PDLIM5: variants seen among roughly 807,000 people sequenced by gnomAD.
PDLIM5 encodes PDZ and LIM domain 5.
PDLIM5 carries 34 observed loss-of-function variants against 64.2 expected under a neutral mutation model. That is an observed-to-expected ratio of 0.53 (90% CI 0.40 to 0.71). PDLIM5 has a LOEUF of 0.71. Ranked by LOEUF, PDLIM5 falls within the 30% of genes least tolerant of loss-of-function variation. The pLI is 0.00. For synonymous variants in PDLIM5, 253 were observed against 269.1 expected, an observed-to-expected ratio of 0.94 and a Z score of 0.59; for missense variants, 683 against 733.6, an observed-to-expected ratio of 0.93 and a Z score of 0.80.
At chr4:94,453,596 A>G (rs1420730840) in intron 1 of PDLIM5, among the ~76,000 whole-genome samples, 1 of 152,188 alleles carries the variant, frequency 6.6e-6, no homozygotes, top group Non-Finnish European at 1.5e-5. Flanking sequence ...ACACAAGTTA[A>G]AGATTAATAA....
At chr4:94,604,460 C>G (rs1041473681) in intron 7 of PDLIM5, among the ~76,000 whole-genome samples, 1 of 152,072 alleles carries the variant, frequency 6.6e-6, no homozygotes, top group African/African-American at 2.4e-5. Context: ...ATGGAGAAAC[C>G]CCGTCTCTAC....
At chr4:94,458,409 AAAG>A (rs774199858) in intron 2 of PDLIM5, among the ~76,000 whole-genome samples, 94 of 152,272 alleles carry the variant, frequency 6.2e-4, no homozygotes, top group Middle Eastern at 3.4e-3. Context: ...TAAACTTTAA[AAAG>A]AAAACTATTT....
chr4:94,588,320 T>A (rs564279902), intron 7 of PDLIM5: 1 of 271,264 alleles, frequency 3.7e-6, no homozygotes, highest in East Asian at 1.8e-4. Flanking sequence ...TCCCAGCATT[T>A]TGGGAGGCCG....
intron 2 of PDLIM5, among the ~76,000 whole-genome samples, chr4:94,499,994 G>C (rs1560658493): frequency 6.6e-6 from 1 of 152,114 alleles, no homozygotes; most frequent in Non-Finnish European, 1.5e-5. Flanking sequence ...ACCAGTCCCT[G>C]GTGTCAAAAA....
Position 94,455,360 on chromosome 4 carries a change from C to T in PDLIM5, c.72C>T (p.Phe24=). 6.2e-7 allele frequency: 1 copy of T among 1,611,268 alleles called. No individual in the cohort carries two copies. Among genetic ancestry groups the T allele is most frequent in the Non-Finnish European group, 8.5e-7 (1 of 1,177,356 alleles). The change falls in exon 2 of 13, where the codon TTC becomes TTT. Residue 24 remains phenylalanine, a synonymous_variant. Transcript: ENST00000317968. The part of the protein sequence containing the change: ...WGFRLQGGKD[F]NMPLTISSLK... ...TCCGGCTGCAGGGCGGTAAGGATTTCAACATGCCTCTGACAATCTCTAGTG... is the reference window on the plus strand; with the variant it reads ...TCCGGCTGCAGGGCGGTAAGGATTTTAACATGCCTCTGACAATCTCTAGTG...
chr4:94,540,439 G>A (rs1037905289), intron 3 of PDLIM5, among the ~76,000 whole-genome samples: 40 of 152,340 alleles, frequency 2.6e-4, no homozygotes, highest in African/African-American at 6.5e-4. Flanking sequence ...TAATAAAGAT[G>A]AGGAAGTAGA....
chr4:94,573,349 A>G lies in PDLIM5; in HGVS notation c.249-2A>G. The G allele has an allele frequency of 6.2e-7, 1 of 1,608,372 alleles. No individual in the cohort carries two copies. Among genetic ancestry groups the G allele is most frequent in the Non-Finnish European group, 8.5e-7 (1 of 1,177,604 alleles). ...TTTCTTTTTCTTTCTTTTTTTCCTC[A>G]GAGCATCTGCTGCACCCAAGCCTGA... On this transcript the variant is annotated splice_acceptor_variant, in intron 3 of 12. Transcript: ENST00000317968. LOFTEE classifies it high-confidence loss of function.
Position 94,663,979 on chromosome 4 carries a change from T to A in PDLIM5, c.1703T>A (p.Val568Glu), listed in dbSNP as rs1203434345. Residue 568 changes from valine (V) to glutamate (E), a missense_variant and splice_region_variant, in exon 13 of 13, where the codon GTG (valine) becomes GAG (glutamate). Val to Glu is a moderately radical substitution (Grantham distance 121). Transcript: ENST00000317968. The stretch of plus-strand genomic sequence containing the variant: ...TCTTAAATGCTGCTTCTTTTTCAGG[T>A]GTGTTGTGAAAGTTTGGAAGGTCAG... ...TWHDTCFVCSVCCESLEGQTF... is the reference protein window; with the variant it reads ...TWHDTCFVCSECCESLEGQTF... 6.3e-7 allele frequency: 1 copy of A among 1,595,038 alleles called. No homozygotes were observed. The highest frequency in any genetic ancestry group is 8.6e-7 in the Non-Finnish European group (1 of 1,164,390).
intron 2 of PDLIM5, among the ~76,000 whole-genome samples, chr4:94,468,193 A>T (rs1335064463): frequency 6.6e-6 from 1 of 151,504 alleles, no homozygotes; most frequent in Non-Finnish European, 1.5e-5. Flanking sequence ...TTGCTCTGTC[A>T]CTCAGGTGGA....
At chr4:94,552,172 A>AT (rs1732868350) in intron 3 of PDLIM5, among the ~76,000 whole-genome samples, 1 of 152,088 alleles carries the variant, frequency 6.6e-6, no homozygotes, top group African/African-American at 2.4e-5. Flanking sequence ...TTTGATGGCT[A>AT]TTTTTTATGT....
At chr4:94,492,904 G>A (rs1456842030) in intron 2 of PDLIM5, among the ~76,000 whole-genome samples, 1 of 152,114 alleles carries the variant, frequency 6.6e-6, no homozygotes, top group Admixed American at 6.5e-5. Context: ...AGGAATTAGT[G>A]GGTCATATGG....
At chr4:94,455,892 G>T (rs1404683674) in intron 2 of PDLIM5, 1 of 1,424,406 alleles carries the variant, frequency 7.0e-7, no homozygotes, top group Non-Finnish European at 9.6e-7. Flanking sequence ...GGAAATGAAG[G>T]GCTTGGAGCT....
At chr4:94,646,409 C>T (rs1741417460) in intron 9 of PDLIM5, among the ~76,000 whole-genome samples, 1 of 152,184 alleles carries the variant, frequency 6.6e-6, no homozygotes, top group Non-Finnish European at 1.5e-5. Context: ...GAGAAGCCCT[C>T]TTGACATCTT....
rs116837714 is a variant in PDLIM5, at chr4:94,605,812, A to G, written c.921-12192A>G. On this transcript the variant is annotated intron_variant, in intron 7 of 12. Coordinates refer to ENST00000317968, the MANE Select transcript of PDLIM5 (RefSeq NM_006457.5). ...GGCACTCAGCTTTTTTCCAATCAGCATATTTCACGGAGATGTTGGAAGACT... is the reference window on the plus strand; with the variant it reads ...GGCACTCAGCTTTTTTCCAATCAGCGTATTTCACGGAGATGTTGGAAGACT... Among the ~76,000 whole-genome samples the G allele has an allele frequency of 6.6e-3, 1,000 of 151,510 alleles. 14 individuals are homozygous for G. The highest frequency in any genetic ancestry group is 0.023 in the African/African-American group (942 of 41,332).
intron 3 of PDLIM5, among the ~76,000 whole-genome samples, chr4:94,525,161 G>T (rs955961889): frequency 1.3e-5 from 2 of 152,206 alleles, no homozygotes; most frequent in Admixed American, 1.3e-4. Context: ...GCTCACGCCT[G>T]TAATCCCAGT....
intron 5 of PDLIM5, among the ~76,000 whole-genome samples, chr4:94,577,054 A>G (rs1340632241): frequency 6.6e-6 from 1 of 152,178 alleles, no homozygotes; most frequent in African/African-American, 2.4e-5. Context: ...GAGAGAGAAT[A>G]ATGATGGTCA....
intron 3 of PDLIM5, among the ~76,000 whole-genome samples, chr4:94,560,444 GAC>G (rs1200243804): frequency 2.0e-5 from 3 of 152,102 alleles, no homozygotes; most frequent in Non-Finnish European, 4.4e-5. Context: ...GCCAATAACT[GAC>G]ATTTTCTGGA....
chr4:94,623,005 G>C (rs966760477), intron 8 of PDLIM5, among the ~76,000 whole-genome samples: 1 of 152,052 alleles, frequency 6.6e-6, no homozygotes, highest in Non-Finnish European at 1.5e-5. Context: ...GACCTTAAAA[G>C]CTTCTCCTAT....
intron 8 of PDLIM5, among the ~76,000 whole-genome samples, chr4:94,633,123 T>C (rs1169819188): frequency 1.3e-5 from 2 of 152,214 alleles, no homozygotes. Context: ...TTAGAGATTA[T>C]ATTACAATAT....
Sources: allele counts gnomAD v4.1 joint callset (sites outside exome capture counted in the v4.1 genomes callset), GRCh38; gene constraint gnomAD v4.1.1; transcripts MANE v1.5; gene names NCBI Gene and HGNC (gene_info 2026-07-23, HGNC 2026-07-21).